Variants in LITAF observed in about 807,000 individuals in gnomAD.
LITAF encodes lipopolysaccharide-induced tumor necrosis factor-alpha factor.
A neutral mutation model predicts 14.5 loss-of-function variants in LITAF; 9 were observed. The observed-to-expected ratio is 0.62, with a 90% CI of 0.37 to 1.08. The LOEUF (loss-of-function observed/expected upper bound fraction) is 1.08, where lower values mean the gene tolerates loss of function less well. Among genes scored for constraint, LITAF ranks in the 50% least tolerant of loss-of-function variants. LITAF has a pLI of 0.01. For missense variants in LITAF, 206 were observed against 213.4 expected, an observed-to-expected ratio of 0.97 and a Z score of 0.22; for synonymous variants, 98 against 88.2, an observed-to-expected ratio of 1.11 and a Z score of -0.62.
chr16:11,626,377 T>C (rs964562622), intron 3 of LITAF, among the ~76,000 whole-genome samples: 1 of 150,014 alleles, frequency 6.7e-6, no homozygotes, highest in Non-Finnish European at 1.5e-5. Flanking sequence ...ACAGTCTTGC[T>C]CTGTTGCCCA....
At chr16:11,587,418 C>T (rs1030823931), upstream of LITAF, 5 of 453,922 alleles carry the variant, frequency 1.1e-5, no homozygotes, top group Admixed American at 7.1e-5. Context: ...CAGACGCGTC[C>T]GGACAGACCA....
At chr16:11,624,973 G>A (rs1223423072) in intron 3 of LITAF, among the ~76,000 whole-genome samples, 1 of 152,110 alleles carries the variant, frequency 6.6e-6, no homozygotes, top group Non-Finnish European at 1.5e-5. Context: ...CCCCCAGGAG[G>A]GTGAGAGGTC....
intron 1 of LITAF, among the ~76,000 whole-genome samples, chr16:11,563,898 A>G (rs1362793244): frequency 6.6e-6 from 1 of 151,920 alleles, no homozygotes; most frequent in Admixed American, 6.6e-5. Context: ...CAGCATCTCC[A>G]TCTCAGTTTT....
chr16:11,612,164 C>T (rs971064271), intron 3 of LITAF, among the ~76,000 whole-genome samples: 32 of 152,346 alleles, frequency 2.1e-4, no homozygotes, highest in African/African-American at 7.7e-4. Context: ...GTCCAAGGAT[C>T]TCCTGGCACT....
intron 1 of LITAF, 95 bp from the exon 2 acceptor site, chr16:11,556,830 A>C (rs2064278758): frequency 2.7e-6 from 3 of 1,097,490 alleles, no homozygotes; most frequent in Non-Finnish European, 4.1e-6. Flanking sequence ...GGCAAACAGA[A>C]ATTCTGAGAA....
intron 3 of LITAF, among the ~76,000 whole-genome samples, chr16:11,622,661 A>C (rs1216610378): frequency 2.0e-5 from 3 of 152,188 alleles, no homozygotes; most frequent in African/African-American, 7.2e-5. Flanking sequence ...TCTTTTCAGA[A>C]TGTAAATTAA....
upstream of LITAF, among the ~76,000 whole-genome samples, chr16:11,587,893 A>T (rs2064824142): frequency 6.6e-6 from 1 of 152,264 alleles, no homozygotes; most frequent in Admixed American, 6.5e-5. Context: ...AACAAACGCC[A>T]TTTGGACAGG....
chr16:11,566,736 C>A (rs1453236590), intron 1 of LITAF, among the ~76,000 whole-genome samples: 1 of 151,292 alleles, frequency 6.6e-6, no homozygotes, highest in Non-Finnish European at 1.5e-5. Context: ...AGTGCCACTG[C>A]AATTCAGCCT....
At chr16:11,552,974 G>A (rs932881352) in intron 3 of LITAF, among the ~76,000 whole-genome samples, 2 of 151,360 alleles carry the variant, frequency 1.3e-5, no homozygotes, top group African/African-American at 2.4e-5. Context: ...TATTAGCCGG[G>A]CCTGACGGTG....
chr16:11,593,478 A>G (rs2064861635), intron 1 of LITAF, among the ~76,000 whole-genome samples: 1 of 152,158 alleles, frequency 6.6e-6, no homozygotes, highest in Admixed American at 6.6e-5. Context: ...TTCCACTCCA[A>G]GGTATATACA....
upstream of LITAF, among the ~76,000 whole-genome samples, chr16:11,599,021 T>A (rs553399503): frequency 4.6e-5 from 7 of 152,068 alleles, no homozygotes; most frequent in African/African-American, 1.7e-4. Flanking sequence ...GTTTTCACCA[T>A]GTTGGCCAGG....
At chr16:11,582,319 G>GAAA (rs35892278) in intron 1 of LITAF, among the ~76,000 whole-genome samples, 12 of 100,074 alleles carry the variant, frequency 1.2e-4, no homozygotes, top group East Asian at 2.5e-4. Context: ...ACTCACAACG[G>GAAA]AAAAAAAAAA....
chr16:11,626,000 G>C (rs1482894446), intron 3 of LITAF, among the ~76,000 whole-genome samples: 1 of 152,116 alleles, frequency 6.6e-6, no homozygotes, highest in Non-Finnish European at 1.5e-5. Context: ...GGCAGAACCA[G>C]GATTTGAACC....
chr16:11,616,846 A>C (rs1336185336), intron 3 of LITAF, among the ~76,000 whole-genome samples: 1 of 141,958 alleles, frequency 7.0e-6, no homozygotes, highest in African/African-American at 2.7e-5. Context: ...CAAGAGGTTG[A>C]GGCTGCAGTG....
At chr16:11,572,928 A>AGC (rs1274140782) in intron 1 of LITAF, among the ~76,000 whole-genome samples, 2 of 105,302 alleles carry the variant, frequency 1.9e-5, no homozygotes, top group Non-Finnish European at 3.6e-5. Flanking sequence ...GCACATCTCA[A>AGC]GCTCTTTTTT....
rs1427798294 is a variant in LITAF at position 11,547,931 on chromosome 16, TC to T, written c.*1705del. The T allele has an allele frequency of 2.2e-6, 1 of 454,006 alleles. No homozygotes were observed. The highest frequency in any genetic ancestry group is 4.4e-6 in the Non-Finnish European group (1 of 226,802). The allele number at this position is 454,006 out of a possible 1,614,324, so 28.1% of individuals were successfully genotyped here. ...CTACCGTTACTGAACAAATAAAGGTTCTTTGTAGCAATGGCTGGAAATGCAA... is the reference window on the plus strand; with the variant it reads ...CTACCGTTACTGAACAAATAAAGGTTTTTGTAGCAATGGCTGGAAATGCAA... On this transcript the variant is annotated 3_prime_UTR_variant, in exon 4 of 4. Transcript: ENST00000622633.
At chr16:11,638,174 C>T (rs1465847547), upstream of LITAF, among the ~76,000 whole-genome samples, 1 of 129,546 alleles carries the variant, frequency 7.7e-6, no homozygotes, top group East Asian at 2.0e-4. Context: ...ACCTGCCAGC[C>T]AGGAACCTGA....
intron 2 of LITAF, among the ~76,000 whole-genome samples, chr16:11,554,295 C>T (rs543798032): frequency 6.6e-6 from 1 of 152,168 alleles, no homozygotes; most frequent in East Asian, 1.9e-4. Flanking sequence ...ATAAATAATC[C>T]ACTCTCTTTA....
In LITAF at chr16:11,549,855, T is replaced by C; in HGVS notation, c.378-110A>G. On this transcript the variant is annotated intron_variant, in intron 3 of 3. Coordinates refer to ENST00000622633, the MANE Select transcript of LITAF (RefSeq NM_001136472.2). This position sits in a 1 kb window ranked among gnomAD's most constrained non-coding sequence, Gnocchi z 4.6. ...TTTGTAAAAAGGGTCTTTGCCAGTA[T>C]AATTAGGAATTTTGAGATGGGATCA... The C allele has an allele frequency of 1.1e-6, 1 of 869,878 alleles. No homozygotes were observed. Among genetic ancestry groups the C allele is most frequent in the South Asian group, 1.4e-5 (1 of 69,994 alleles). 53.9% of individuals were successfully genotyped at this position (869,878 alleles called of 1,614,324 possible).
Sources: allele counts gnomAD v4.1 joint callset (sites outside exome capture counted in the v4.1 genomes callset), GRCh38; gene constraint gnomAD v4.1.1; non-coding constraint Gnocchi (gnomAD v3.1); transcripts MANE v1.5; gene names NCBI Gene and HGNC (gene_info 2026-07-23, HGNC 2026-07-21).